The following DPYS variants were observed in gnomAD, a reference collection of about 807,000 sequenced individuals.
The protein encoded by DPYS is dihydropyrimidinase.
In DPYS, 39 loss-of-function variants were observed where a neutral mutation model predicts 50.3. The ratio of observed to expected loss-of-function variants is 0.78; its 90% CI spans 0.60 to 1.01. The LOEUF is 1.01. Among genes scored for constraint, DPYS ranks in the 50% least tolerant of loss-of-function variants. The pLI is 0.00. For synonymous variants in DPYS, 245 were observed against 250.7 expected (o/e 0.98, Z 0.22); for missense variants, 659 against 680.9 (o/e 0.97, Z 0.36).
intron 7 of DPYS, among the ~76,000 whole-genome samples, chr8:104,404,991 T>C (rs1811945766): frequency 6.6e-6 from 1 of 151,916 alleles, no homozygotes; most frequent in Non-Finnish European, 1.5e-5. Flanking sequence ...TGAAGAGTAA[T>C]TGGAAGACCT....
intron 4 of DPYS, among the ~76,000 whole-genome samples, chr8:104,443,252 G>A (rs1454245502): frequency 6.6e-6 from 1 of 152,154 alleles, no homozygotes; most frequent in Admixed American, 6.5e-5. Flanking sequence ...TGGCAAAAGA[G>A]TGAAATCATT....
chr8:104,464,516 C>T (rs574580192), intron 1 of DPYS, among the ~76,000 whole-genome samples: 2 of 152,202 alleles, frequency 1.3e-5, no homozygotes, highest in South Asian at 4.1e-4. Context: ...TCAGAAATAG[C>T]AGCTCCCCAC....
At chr8:104,411,158 C>T (rs1444338427) in intron 7 of DPYS, among the ~76,000 whole-genome samples, 3 of 152,208 alleles carry the variant, frequency 2.0e-5, no homozygotes, top group African/African-American at 7.2e-5. Flanking sequence ...AATGCAACCT[C>T]TCTGATGACA....
chr8:104,444,564 CTGTG>C (rs752536597), intron 3 of DPYS, 127 bp from the exon 4 acceptor site: 19 of 898,624 alleles, frequency 2.1e-5, no homozygotes, highest in Non-Finnish European at 3.3e-5. Flanking sequence ...GTGTGTGTGT[CTGTG>C]TGTGTGTGTA....
In DPYS at chr8:104,400,405, G is replaced by A. The variant is rs1811755962; in HGVS notation, c.1236-7414C>T. ...GGGAGATGTTATCACTACATTTGTA[G>A]GCAAAAGCAAAGAGCTTCAAGATTC... On this transcript the variant is annotated intron_variant, in intron 7 of 9. Coordinates refer to ENST00000351513, the MANE Select transcript of DPYS (RefSeq NM_001385.3). Among the ~76,000 whole-genome samples the A allele has an allele frequency of 1.3e-5, 2 of 152,208 alleles. 1 individual carries two copies. The highest frequency in any genetic ancestry group is 4.1e-4 in the South Asian group (2 of 4,822).
intron 8 of DPYS, among the ~76,000 whole-genome samples, chr8:104,390,886 AGTAAGCACTCACTAAAT>A (rs1811365064): frequency 6.6e-6 from 1 of 152,138 alleles, no homozygotes; most frequent in Non-Finnish European, 1.5e-5. Flanking sequence ...TCTTGCATTC[AGTAAGCACTCACTAAAT>A]GTTAGTGCTG....
intron 7 of DPYS, among the ~76,000 whole-genome samples, chr8:104,404,025 C>T (rs544871793): frequency 7.2e-5 from 11 of 152,196 alleles, no homozygotes; most frequent in Non-Finnish European, 1.2e-4. Flanking sequence ...AAAGCCACCA[C>T]AAACATGTTC....
intron 5 of DPYS, among the ~76,000 whole-genome samples, chr8:104,428,923 T>G (rs1174530431): frequency 6.6e-6 from 1 of 151,854 alleles, no homozygotes; most frequent in Non-Finnish European, 1.5e-5. Flanking sequence ...CTCTGCCTCC[T>G]GGGTTCAAGT....
At chr8:104,447,544 A>G (rs550367799) in intron 2 of DPYS, 41 bp from the exon 3 acceptor site, 1 of 1,601,262 alleles carries the variant, frequency 6.2e-7, no homozygotes. Context: ...ATGTTACTCT[A>G]ATTTAAATGA....
intron 5 of DPYS, 116 bp from the exon 6 acceptor site, chr8:104,428,237 C>A (rs1425867460): frequency 1.5e-5 from 20 of 1,358,302 alleles, no homozygotes; most frequent in Non-Finnish European, 1.8e-5. Context: ...CAGAAAAATC[C>A]AATGGAGAAT....
intron 8 of DPYS, among the ~76,000 whole-genome samples, chr8:104,386,648 G>A (rs1464774197): frequency 1.3e-5 from 2 of 148,346 alleles, no homozygotes; most frequent in African/African-American, 2.5e-5. Context: ...ATTTTTTTGA[G>A]ACAGAGCCTC....
At chr8:104,432,364 T>C (rs1283998058) in intron 4 of DPYS, among the ~76,000 whole-genome samples, 1 of 152,204 alleles carries the variant, frequency 6.6e-6, no homozygotes, top group Non-Finnish European at 1.5e-5. Context: ...ATTTATTAGA[T>C]GACGGTGATA....
At chr8:104,395,677 A>G (rs919294538) in intron 7 of DPYS, among the ~76,000 whole-genome samples, 2 of 152,230 alleles carry the variant, frequency 1.3e-5, no homozygotes, top group South Asian at 2.1e-4. Flanking sequence ...GACATACCGC[A>G]GTGCTATACA....
intron 7 of DPYS, among the ~76,000 whole-genome samples, chr8:104,404,233 T>C (rs998594802): frequency 6.6e-6 from 1 of 152,146 alleles, no homozygotes; most frequent in East Asian, 1.9e-4. Flanking sequence ...GATCTTGAAC[T>C]CAGATCTATG....
chr8:104,407,921 C>T (rs1812047877), intron 7 of DPYS, among the ~76,000 whole-genome samples: 1 of 151,944 alleles, frequency 6.6e-6, no homozygotes, highest in African/African-American at 2.4e-5. Context: ...ACGAACTATA[C>T]ACAACCCTTT....
At chr8:104,385,134 C>A (rs1338788905) in intron 8 of DPYS, among the ~76,000 whole-genome samples, 1 of 152,204 alleles carries the variant, frequency 6.6e-6, no homozygotes, top group Non-Finnish European at 1.5e-5. Flanking sequence ...TTAGCTACAG[C>A]ACAAAGAGGT....
At chr8:104,417,274 A>G (rs1812399581) in intron 7 of DPYS, among the ~76,000 whole-genome samples, 1 of 152,244 alleles carries the variant, frequency 6.6e-6, no homozygotes, top group Non-Finnish European at 1.5e-5. Flanking sequence ...AGGGACAGTT[A>G]CCATAGTAAC....
At chr8:104,444,582 G>T in intron 3 of DPYS, 145 bp from the exon 4 acceptor site, 1 of 738,620 alleles carries the variant, frequency 1.4e-6, no homozygotes. Flanking sequence ...GTGTGTATAT[G>T]AACATATTTG....
chr8:104,435,197 A>G (rs1004388173), intron 4 of DPYS, among the ~76,000 whole-genome samples: 1 of 152,196 alleles, frequency 6.6e-6, no homozygotes, highest in Non-Finnish European at 1.5e-5. Flanking sequence ...ACTGAAGCCA[A>G]TGACACACAT....
Sources: allele counts gnomAD v4.1 joint callset (sites outside exome capture counted in the v4.1 genomes callset), GRCh38; gene constraint gnomAD v4.1.1; transcripts MANE v1.5; gene names NCBI Gene and HGNC (gene_info 2026-07-23, HGNC 2026-07-21).